Variants in FLRT2 observed in about 807,000 individuals in gnomAD.
The protein encoded by FLRT2 is leucine-rich repeat transmembrane protein FLRT2.
In FLRT2, 15 loss-of-function variants were observed where a neutral mutation model predicts 40.0. The observed-to-expected ratio is 0.38, with a 90% CI of 0.25 to 0.58. The LOEUF is 0.58. FLRT2 is among the 20% of genes least tolerant of loss of function. The pLI is 0.71. For synonymous variants in FLRT2, 380 were observed against 336.8 expected (o/e 1.13, Z -1.41); for missense variants, 726 against 840.0 (o/e 0.86, Z 1.68).
chr14:85,534,639 G>T (rs915251727), intron 1 of FLRT2, among the ~76,000 whole-genome samples: 2 of 151,880 alleles, frequency 1.3e-5, no homozygotes, highest in East Asian at 3.9e-4. Flanking sequence ...GGGGGAGGGG[G>T]TTAGTGGTGT....
chr14:85,621,440 T>G lies in FLRT2; in HGVS notation c.-75T>G. On this transcript the variant is annotated 5_prime_UTR_variant, in exon 2 of 2. Coordinates refer to ENST00000330753, the MANE Select transcript of FLRT2 (RefSeq NM_013231.6). ...ACTTCAACAGAACCCCATCCAGTCA[T>G]TTTGATTTTGCTGTTTATTTTTTTT... The G allele has an allele frequency of 2.2e-5, 30 of 1,376,178 alleles. No homozygotes were observed. The highest frequency in any genetic ancestry group is 2.0e-4 in the Middle Eastern group (1 of 4,924). 85.2% of individuals were successfully genotyped at this position (1,376,178 alleles called of 1,614,324 possible).
In FLRT2 at chr14:85,649,914, T is replaced by C. The variant is rs1242965526; in HGVS notation, c.*26417T>C. 6.6e-6 allele frequency: 1 copy of C among 152,078 alleles called. No individual in the cohort carries two copies. Among genetic ancestry groups the C allele is most frequent in the East Asian group, 1.9e-4 (1 of 5,196 alleles). The allele number at this position is 152,078 out of a possible 1,614,324, so 9.4% of individuals were successfully genotyped here. A position where few individuals can be genotyped will look rare whatever the true frequency, so the allele number is the denominator to read the frequency against. On this transcript the variant is annotated 3_prime_UTR_variant, in exon 2 of 2. Coordinates refer to ENST00000330753, the MANE Select transcript of FLRT2 (RefSeq NM_013231.6). ...TAGGTGATTATAAAGTTTGTTGCTA[T>C]AGTATTTCATTATTTTTTATTAGAA...
intron 1 of FLRT2, among the ~76,000 whole-genome samples, chr14:85,535,595 A>G (rs926762): frequency 0.96 from 145,817 of 152,252 alleles, 69,878 homozygotes; most frequent in Middle Eastern, 0.99. Context: ...ATGAAAAGTT[A>G]CTTCTTTCTC....
intron 1 of FLRT2, among the ~76,000 whole-genome samples, chr14:85,600,290 C>A (rs976600953): frequency 6.6e-6 from 1 of 152,116 alleles, no homozygotes; most frequent in African/African-American, 2.4e-5. Context: ...GTGTGGCTGT[C>A]GGTATCCATG....
In FLRT2 at chr14:85,562,768, A is replaced by G; in HGVS notation, c.-377+32234A>G. 1.3e-5 allele frequency: 2 copies of G among 152,104 alleles called. 1 individual carries two copies. The highest frequency in any genetic ancestry group is 2.9e-5 in the Non-Finnish European group (2 of 68,018). The allele number at this position is 152,104 out of a possible 1,614,324, so 9.4% of individuals were successfully genotyped here. The stretch of plus-strand genomic sequence containing the variant: ...TCACATGATTGCATCATGTTCTTCA[A>G]AATGAAATCTATTGAACAGTATAAA... On this transcript the variant is annotated intron_variant, in intron 1 of 1. Transcript: ENST00000330753.
rs538744214 is a variant in FLRT2 at position 85,637,749 on chromosome 14, T to C, written c.*14252T>C. On this transcript the variant is annotated 3_prime_UTR_variant, in exon 2 of 2. Transcript: ENST00000330753. ...ATCTATCACTTGTCTTAAAGGAAGA[T>C]TTGAAACATAATAGTTTCCTTTGCG... The C allele has an allele frequency of 6.6e-6, 1 of 152,348 alleles. No individual in the cohort carries two copies. Among genetic ancestry groups the C allele is most frequent in the African/African-American group, 2.4e-5 (1 of 41,572 alleles). 9.4% of individuals were successfully genotyped at this position (152,348 alleles called of 1,614,324 possible). A position where few individuals can be genotyped will look rare whatever the true frequency, so the allele number is the denominator to read the frequency against.
intron 1 of FLRT2, among the ~76,000 whole-genome samples, chr14:85,565,018 T>C (rs1273186839): frequency 6.6e-6 from 1 of 152,222 alleles, no homozygotes; most frequent in Non-Finnish European, 1.5e-5. Context: ...GGTATGCAAT[T>C]TGTAAGATAG....
intron 1 of FLRT2, among the ~76,000 whole-genome samples, chr14:85,553,748 T>G (rs1023547460): frequency 6.6e-6 from 1 of 152,184 alleles, no homozygotes; most frequent in Admixed American, 6.5e-5. Flanking sequence ...CTACCTCCAA[T>G]AGGTGACTAT....
At chr14:85,554,732 C>A (rs1889853975) in intron 1 of FLRT2, among the ~76,000 whole-genome samples, 1 of 152,154 alleles carries the variant, frequency 6.6e-6, no homozygotes. Flanking sequence ...GGTTACTTCT[C>A]TTTAGTTTTT....
chr14:85,534,616 T>C (rs1479575371), intron 1 of FLRT2, among the ~76,000 whole-genome samples: 1 of 151,616 alleles, frequency 6.6e-6, no homozygotes, highest in Admixed American at 6.6e-5. Context: ...TGTCTGTGTG[T>C]GTGCGTGTGT....
intron 1 of FLRT2, among the ~76,000 whole-genome samples, chr14:85,595,385 C>G (rs147914147): frequency 1.4e-3 from 209 of 149,966 alleles, no homozygotes; most frequent in African/African-American, 4.9e-3. Flanking sequence ...TAAGATAAAT[C>G]TCACAAATGG....
At chr14:85,548,347 T>A (rs559750561) in intron 1 of FLRT2, among the ~76,000 whole-genome samples, 1 of 152,360 alleles carries the variant, frequency 6.6e-6, no homozygotes, top group Admixed American at 6.5e-5. Flanking sequence ...CTCCATGGAA[T>A]CTTTTCCAAA....
In FLRT2 at chr14:85,633,377, T is replaced by C. The variant is rs1312161747; in HGVS notation, c.*9880T>C. Reference sequence around the variant, plus strand: ...ACAGACTTCTTTATAATGTAGCATATATTCTATCTGGTTGCTAGAGTACAC... The same window carrying C: ...ACAGACTTCTTTATAATGTAGCATACATTCTATCTGGTTGCTAGAGTACAC... On this transcript the variant is annotated 3_prime_UTR_variant, in exon 2 of 2. Transcript: ENST00000330753. 1 of 152,168 alleles carries C rather than the reference T, an allele frequency of 6.6e-6. No homozygotes were observed. Among genetic ancestry groups the C allele is most frequent in the African/African-American group, 2.4e-5 (1 of 41,436 alleles). The allele number at this position is 152,168 out of a possible 1,614,324, so 9.4% of individuals were successfully genotyped here.
At chr14:85,600,176 G>A (rs1892321663) in intron 1 of FLRT2, among the ~76,000 whole-genome samples, 1 of 152,206 alleles carries the variant, frequency 6.6e-6, no homozygotes, top group Non-Finnish European at 1.5e-5. Flanking sequence ...GTAGGAGGCA[G>A]CATAGGCCTC....
intron 1 of FLRT2, among the ~76,000 whole-genome samples, chr14:85,582,892 C>CTATA (rs543601170): frequency 5.3e-5 from 8 of 149,764 alleles, no homozygotes; most frequent in African/African-American, 2.0e-4. Flanking sequence ...ATATATCCAA[C>CTATA]TATATATATA....
intron 1 of FLRT2, among the ~76,000 whole-genome samples, chr14:85,558,034 T>C (rs28394626): frequency 1.3e-5 from 2 of 152,118 alleles, no homozygotes; most frequent in Non-Finnish European, 2.9e-5. Flanking sequence ...TAGACTTCCG[T>C]AGAAAGCATC....
intron 1 of FLRT2, among the ~76,000 whole-genome samples, chr14:85,535,154 G>T (rs1448505106): frequency 6.6e-6 from 1 of 152,190 alleles, no homozygotes; most frequent in African/African-American, 2.4e-5. Context: ...TCCCCACTCA[G>T]CTGGGAGGCT....
chr14:85,572,349 G>T (rs1231446589), intron 1 of FLRT2, among the ~76,000 whole-genome samples: 1 of 152,102 alleles, frequency 6.6e-6, no homozygotes. Context: ...CTATTCATCA[G>T]GAGCTGCCGT....
rs146261644 is a variant in FLRT2 at position 85,623,362 on chromosome 14, A to G, written c.1848A>G (p.Gln616=). ...SFQIVSLNND[Q]LLKGDFRLQP... ...AGATCGTCTCCTTAAATAACGATCA[A>G]CTCCTTAAAGGAGATTTCAGACTGC... Residue 616 remains glutamine, a synonymous_variant, in exon 2 of 2, where the codon CAA becomes CAG. Coordinates refer to ENST00000330753, the MANE Select transcript of FLRT2 (RefSeq NM_013231.6). The G allele has an allele frequency of 3.0e-5, 45 of 1,522,630 alleles. No homozygotes were observed. Among genetic ancestry groups the G allele is most frequent in the Middle Eastern group, 1.8e-4 (1 of 5,676 alleles). 94.3% of individuals were successfully genotyped at this position (1,522,630 alleles called of 1,614,324 possible).
Sources: allele counts gnomAD v4.1 joint callset (sites outside exome capture counted in the v4.1 genomes callset), GRCh38; gene constraint gnomAD v4.1.1; transcripts MANE v1.5; gene names NCBI Gene and HGNC (gene_info 2026-07-23, HGNC 2026-07-21).